The following BCL9L variants were observed in gnomAD, a reference collection of about 807,000 sequenced individuals.
BCL9L encodes BCL9 like.
Under a neutral mutation model 99.4 loss-of-function variants are expected in BCL9L, and 19 were observed. That is an observed-to-expected ratio of 0.19 (90% CI 0.13 to 0.28). BCL9L has a LOEUF of 0.28. Among genes scored for constraint, BCL9L ranks in the 10% least tolerant of loss-of-function variants. The probability of loss-of-function intolerance (pLI) is 1.00; values close to 1 mark genes in which losing one functional copy is unlikely to be tolerated. For missense variants in BCL9L, 2,023 were observed against 2,101.6 expected (o/e 0.96, Z 0.73); for synonymous variants, 900 against 854.8 (o/e 1.05, Z -0.92).
chr11:118,905,339 T>A (rs533862891), intron 5 of BCL9L, among the ~76,000 whole-genome samples: 27 of 151,814 alleles, frequency 1.8e-4, no homozygotes, highest in Non-Finnish European at 2.2e-4. Flanking sequence ...TGAAACTCCA[T>A]CTCTACTAAA....
In BCL9L at chr11:118,898,916, C is replaced by A; in HGVS notation, c.3999G>T (p.Glu1333Asp). 6.2e-7 allele frequency: 1 copy of A among 1,613,180 alleles called. No individual in the cohort carries two copies. Among genetic ancestry groups the A allele is most frequent in the South Asian group, 1.1e-5 (1 of 91,008 alleles). The change falls in exon 10 of 10, where the codon GAG becomes GAT. Residue 1333 changes from glutamate (E) to aspartate (D), a missense_variant. This residue lies in a region of BCL9L where 902 missense variants were observed against 888.2 expected (regional missense o/e 1.02). Coordinates refer to ENST00000683865, the MANE Select transcript of BCL9L (RefSeq NM_001378213.1). Reference protein sequence around the residue: ...EFDLSRIIPSEKPSSTLQYFP... With the variant: ...EFDLSRIIPSDKPSSTLQYFP... Reference sequence around the variant, plus strand: ...AGTACTGGAGGGTGCTGCTTGGCTTCTCAGAGGGGATGATCCTCGACAAGT... The same window carrying A: ...AGTACTGGAGGGTGCTGCTTGGCTTATCAGAGGGGATGATCCTCGACAAGT...
chr11:118,901,282 G>C lies in BCL9L; in HGVS notation c.2461C>G (p.Arg821Gly). The C allele has an allele frequency of 6.2e-7, 1 of 1,613,970 alleles. No individual in the cohort carries two copies. Among genetic ancestry groups the C allele is most frequent in the Non-Finnish European group, 8.5e-7 (1 of 1,180,002 alleles). ...GLSPEEMARV[R>G]AQNSSGVMGG... is the part of the protein sequence containing the mutation. Reference sequence around the variant, plus strand: ...ATCACGCCACTGCTGTTCTGGGCCCGAACCCGGGCCATCTCCTCAGGACTG... The same window carrying C: ...ATCACGCCACTGCTGTTCTGGGCCCCAACCCGGGCCATCTCCTCAGGACTG... Residue 821 changes from arginine to glycine, a missense_variant, in exon 8 of 10, where the codon CGG (arginine) becomes GGG (glycine). Arg to Gly is a moderately radical substitution (Grantham distance 125, BLOSUM62 -2). This residue lies in a region of BCL9L where 1,116 missense variants were observed against 1,194.6 expected (regional missense o/e 0.93). Transcript: ENST00000683865. The surrounding 1 kb of genome is among the most constrained non-coding windows in gnomAD (Gnocchi z 6.6).
At position 118,903,006 on chromosome 11, in the gene BCL9L, C is replaced by A; in HGVS notation, c.818G>T (p.Arg273Leu). ...ILAYHQQNVP[R>L]AKLDQAPKVP... ...CACGCTCACCTGGTCAAGCTTGGCCCGGGGCACGTTCTGCTGGTGGTAGGC... is the reference window on the plus strand; with the variant it reads ...CACGCTCACCTGGTCAAGCTTGGCCAGGGGCACGTTCTGCTGGTGGTAGGC... Residue 273 changes from arginine to leucine, a missense_variant, in exon 7 of 10, where the codon CGG becomes CTG. This residue lies in a region of BCL9L where 1,116 missense variants were observed against 1,194.6 expected (regional missense o/e 0.93). Transcript: ENST00000683865. The surrounding 1 kb of genome is among the most constrained non-coding windows in gnomAD (Gnocchi z 5.6). The A allele has an allele frequency of 6.3e-7, 1 of 1,595,642 alleles. No individual in the cohort carries two copies. The highest frequency in any genetic ancestry group is 8.5e-7 in the Non-Finnish European group (1 of 1,174,900).
chr11:118,900,406 G>A lies in BCL9L; in HGVS notation c.3125-208C>T, dbSNP rs545970066. 1.3e-5 allele frequency among the ~76,000 whole-genome samples: 2 copies of A among 152,222 alleles called. No homozygotes were observed. The highest frequency in any genetic ancestry group is 1.9e-4 in the East Asian group (1 of 5,164). On this transcript the variant is annotated intron_variant, in intron 8 of 9. Transcript: ENST00000683865. This position sits in a 1 kb window ranked among gnomAD's most constrained non-coding sequence, Gnocchi z 5.3. ...GGCCCCAGGCAAGGGGAAGATCCCA[G>A]GCCCCAAGTACGATCACTCAAAATG...
rs1940073515 is a variant in BCL9L, at chr11:118,899,067, T to G, written c.3848A>C (p.Lys1283Thr). The change falls in exon 10 of 10, where the codon AAA (lysine) becomes ACA (threonine). Residue 1283 changes from lysine to threonine, a missense_variant. Coordinates refer to ENST00000683865, the MANE Select transcript of BCL9L (RefSeq NM_001378213.1). ...GTCGCCCATGCGCCCAGCCATGGCT[T>G]TGCCCATCAGGTGCTGCTGGGGAGG... ...PMPPQQHLMG[K>T]AMAGRMGDAY... The G allele has an allele frequency of 6.2e-7, 1 of 1,610,454 alleles. No individual in the cohort carries two copies. The highest frequency in any genetic ancestry group is 1.7e-5 in the Admixed American group (1 of 59,754).
rs1442112612 is a variant in BCL9L, at chr11:118,921,270, A to C, written c.-130-2391T>G. Among the ~76,000 whole-genome samples the C allele has an allele frequency of 7.9e-5, 12 of 152,162 alleles. No homozygotes were observed. The highest frequency in any genetic ancestry group is 7.8e-4 in the Admixed American group (12 of 15,288). ...CCCACACTGAGACACACACACACAC[A>C]AACTTATACACACACACAAAGTAGT... On this transcript the variant is annotated intron_variant, in intron 1 of 9. Transcript: ENST00000683865. This position sits in a 1 kb window ranked among gnomAD's most constrained non-coding sequence, Gnocchi z 5.4.
intron 3 of BCL9L, among the ~76,000 whole-genome samples, chr11:118,908,956 C>A (rs1422228461): frequency 6.6e-6 from 1 of 152,174 alleles, no homozygotes; most frequent in Non-Finnish European, 1.5e-5. Context: ...CCCAAAACAC[C>A]CATCAGCCTG....
rs1194136738 is a variant in BCL9L, at chr11:118,903,292, G to A, written c.693C>T (p.Val231=). The change falls in exon 6 of 10, where the codon GTC becomes GTT. Residue 231 remains valine (V), a synonymous_variant. Transcript: ENST00000683865. This position sits in a 1 kb window ranked among gnomAD's most constrained non-coding sequence, Gnocchi z 5.6. ...APGGGGGGGG[V]PGKPPSQFVY... ...CGAACTGCGAGGGAGGCTTTCCGGGGACGCCCCCGCCCCCGCCCCCGCCCC... is the reference window on the plus strand; with the variant it reads ...CGAACTGCGAGGGAGGCTTTCCGGGAACGCCCCCGCCCCCGCCCCCGCCCC... 1 of 1,578,690 alleles carries A rather than the reference G, an allele frequency of 6.3e-7. No homozygotes were observed. The highest frequency in any genetic ancestry group is 8.6e-7 in the Non-Finnish European group (1 of 1,164,084).
intron 2 of BCL9L, among the ~76,000 whole-genome samples, chr11:118,918,491 C>T (rs2134439457): frequency 6.6e-6 from 1 of 151,886 alleles, no homozygotes; most frequent in African/African-American, 2.4e-5. Context: ...ATCTCCTTGC[C>T]TCCCGCAGGG....
chr11:118,923,597 C>T (rs75080681), intron 1 of BCL9L, among the ~76,000 whole-genome samples: 2,027 of 152,290 alleles, frequency 0.013, 58 homozygotes, highest in East Asian at 0.11. Context: ...CAGAACCCAT[C>T]ACCAGTCATG....
intron 3 of BCL9L, among the ~76,000 whole-genome samples, chr11:118,909,472 C>A (rs914620428): frequency 6.6e-6 from 1 of 152,216 alleles, no homozygotes; most frequent in African/African-American, 2.4e-5. Flanking sequence ...TTCAGCTCTG[C>A]TGTCCTGCTG....
chr11:118,898,304 A>AACCCCCCCCACCCCCC lies in BCL9L; in HGVS notation c.*110_*111insGGGGGGTGGGGGGGGT. 5.2e-6 allele frequency: 1 copy of AACCCCCCCCACCCCCC among 193,448 alleles called. No homozygotes were observed. The highest frequency in any genetic ancestry group is 9.2e-6 in the Non-Finnish European group (1 of 108,398). 12.0% of individuals were successfully genotyped at this position (193,448 alleles called of 1,614,324 possible). On this transcript the variant is annotated 3_prime_UTR_variant, in exon 10 of 10. Transcript: ENST00000683865. ...CCACTCCCTACACAAGCCCCCTCCC[A>AACCCCCCCCACCCCCC]CCCCCTCCACCCCACCCCGCGACCC...
chr11:118,898,754 G>C lies in BCL9L; in HGVS notation c.4161C>G (p.Leu1387=). 1.2e-6 allele frequency: 2 copies of C among 1,613,650 alleles called. No homozygotes were observed. Among genetic ancestry groups the C allele is most frequent in the Non-Finnish European group, 1.7e-6 (2 of 1,179,948 alleles). Reference sequence around the variant, plus strand: ...GTCCAGGGTGGCACATGGACATGTTGAGCCCCCGCTGGACGCCCTGCTGGC... The same window carrying C: ...GTCCAGGGTGGCACATGGACATGTTCAGCCCCCGCTGGACGCCCTGCTGGC... ...LPGQQGVQRG[L]NMSMCHPGQM... Residue 1387 remains leucine, a synonymous_variant, in exon 10 of 10, where the codon CTC becomes CTG. Transcript: ENST00000683865.
At position 118,899,119 on chromosome 11, in the gene BCL9L, G is replaced by C. The variant is rs375444038; in HGVS notation, c.3796C>G (p.Leu1266Val). 6.4e-7 allele frequency: 1 copy of C among 1,561,496 alleles called. No homozygotes were observed. The highest frequency in any genetic ancestry group is 8.7e-7 in the Non-Finnish European group (1 of 1,153,064). The change falls in exon 10 of 10, where the codon CTG (leucine) becomes GTG (valine). Residue 1266 changes from leucine (L) to valine (V), a missense_variant. Coordinates refer to ENST00000683865, the MANE Select transcript of BCL9L (RefSeq NM_001378213.1). ...PSGMALPPED[L>V]PNQPPGPMPP... ...ATGGGGCCTGGCGGCTGGTTGGGCA[G>C]GTCCTCGGGAGGCAGGGCCATGCCT...
chr11:118,907,225 G>A (rs895661024), intron 5 of BCL9L, among the ~76,000 whole-genome samples: 1 of 152,196 alleles, frequency 6.6e-6, no homozygotes, highest in Non-Finnish European at 1.5e-5. Context: ...TTCACAGGTA[G>A]AGGTGCAGGT....
intron 5 of BCL9L, among the ~76,000 whole-genome samples, chr11:118,907,152 G>T (rs1940555487): frequency 2.0e-5 from 3 of 152,160 alleles, no homozygotes; most frequent in South Asian, 4.1e-4. Flanking sequence ...CCGGCTCCCA[G>T]TGTCCCTGGA....
chr11:118,909,524 G>GC (rs1433809469), intron 3 of BCL9L, among the ~76,000 whole-genome samples: 11 of 152,214 alleles, frequency 7.2e-5, no homozygotes, highest in African/African-American at 2.7e-4. Flanking sequence ...GGGGAGGGGG[G>GC]AGGGAGGCAG....
At chr11:118,919,049 CA>C (rs1941061030) in intron 1 of BCL9L, among the ~76,000 whole-genome samples, 170 bp from the exon 2 acceptor site, 1 of 134,346 alleles carries the variant, frequency 7.4e-6, no homozygotes, top group Non-Finnish European at 1.7e-5. Flanking sequence ...CCCCCACCCC[CA>C]CCAGGACTTC....
At chr11:118,911,183 C>T (rs1260903857) in intron 2 of BCL9L, 2 of 454,300 alleles carry the variant, frequency 4.4e-6, no homozygotes, top group East Asian at 7.0e-5. Flanking sequence ...TGGCTCCCCC[C>T]TCGCCTCCCC....
Sources: allele counts gnomAD v4.1 joint callset (sites outside exome capture counted in the v4.1 genomes callset), GRCh38; gene constraint gnomAD v4.1.1; regional missense constraint gnomAD v4.1.1; non-coding constraint Gnocchi (gnomAD v3.1); transcripts MANE v1.5; gene names NCBI Gene and HGNC (gene_info 2026-07-23, HGNC 2026-07-21).